Variants in MAGI2 observed in about 807,000 individuals in gnomAD.
MAGI2 encodes membrane-associated guanylate kinase, WW and PDZ domain-containing protein 2.
Under a neutral mutation model 133.3 loss-of-function variants are expected in MAGI2, and 35 were observed. That is an observed-to-expected ratio of 0.26 (90% CI 0.20 to 0.35). MAGI2 has a LOEUF of 0.35. Ranked by LOEUF, MAGI2 falls within the 10% of genes least tolerant of loss-of-function variation. The pLI, the probability that MAGI2 is intolerant of heterozygous loss-of-function variation, is 1.00. For synonymous variants in MAGI2, 729 were observed against 710.6 expected, an observed-to-expected ratio of 1.03 and a Z score of -0.41; for missense variants, 1,636 against 1,863.4, an observed-to-expected ratio of 0.88 and a Z score of 2.25.
intron 1 of MAGI2, among the ~76,000 whole-genome samples, chr7:79,109,889 A>C (rs1461670393): frequency 6.6e-6 from 1 of 151,584 alleles, no homozygotes; most frequent in African/African-American, 2.4e-5. Context: ...GCCTACTACC[A>C]GTATGATCAC....
chr7:78,996,525 G>A (rs1396345515), intron 2 of MAGI2, among the ~76,000 whole-genome samples: 1 of 152,126 alleles, frequency 6.6e-6, no homozygotes, highest in Admixed American at 6.6e-5. Context: ...AGGGTGGGAG[G>A]AGGGAGAGGA....
At chr7:78,369,320 A>G (rs949141579) in intron 6 of MAGI2, 107 bp from the exon 7 acceptor site, 1 of 747,968 alleles carries the variant, frequency 1.3e-6, no homozygotes. Flanking sequence ...GCCAAAGTGG[A>G]ACAAAGCATT....
intron 1 of MAGI2, among the ~76,000 whole-genome samples, chr7:79,180,473 A>G (rs1826511382): frequency 6.6e-6 from 1 of 152,158 alleles, no homozygotes; most frequent in East Asian, 1.9e-4. Flanking sequence ...TCCCTTTTCT[A>G]AAATCATCAG....
chr7:78,475,343 A>G (rs986550707), intron 6 of MAGI2, among the ~76,000 whole-genome samples: 2 of 152,038 alleles, frequency 1.3e-5, no homozygotes, highest in African/African-American at 2.4e-5. Flanking sequence ...AGGTAAAAGA[A>G]TAGCTGGATA....
intron 2 of MAGI2, among the ~76,000 whole-genome samples, chr7:78,876,788 T>C (rs560881878): frequency 1.1e-4 from 16 of 152,236 alleles, no homozygotes; most frequent in Non-Finnish European, 2.1e-4. Flanking sequence ...GAATGGTCCA[T>C]GCCTAAAGGC....
At chr7:78,825,752 T>C (rs1790570890) in intron 2 of MAGI2, among the ~76,000 whole-genome samples, 1 of 152,170 alleles carries the variant, frequency 6.6e-6, no homozygotes, top group Non-Finnish European at 1.5e-5. Context: ...TGTAAGCCTG[T>C]CAGTCAATAT....
At chr7:78,822,783 T>G (rs1790240097) in intron 2 of MAGI2, among the ~76,000 whole-genome samples, 1 of 152,186 alleles carries the variant, frequency 6.6e-6, no homozygotes, top group African/African-American at 2.4e-5. Flanking sequence ...AGATCTTATG[T>G]GGAGGAATGC....
chr7:78,294,193 C>T (rs1434334014), intron 9 of MAGI2, among the ~76,000 whole-genome samples: 1 of 151,984 alleles, frequency 6.6e-6, no homozygotes, highest in African/African-American at 2.4e-5. Flanking sequence ...CCCAATTAGA[C>T]TGTGAACTTC....
intron 2 of MAGI2, among the ~76,000 whole-genome samples, chr7:78,846,141 G>A (rs1457666839): frequency 6.6e-6 from 1 of 151,680 alleles, no homozygotes; most frequent in Non-Finnish European, 1.5e-5. Flanking sequence ...CATTTGTCAT[G>A]CTATGCCCCA....
At chr7:78,822,180 T>A (rs946950510) in intron 2 of MAGI2, among the ~76,000 whole-genome samples, 1 of 152,078 alleles carries the variant, frequency 6.6e-6, no homozygotes, top group Non-Finnish European at 1.5e-5. Context: ...GACTGAGTTA[T>A]AATCAGAACA....
At chr7:78,890,501 A>G (rs1179647715) in intron 2 of MAGI2, among the ~76,000 whole-genome samples, 2 of 152,200 alleles carry the variant, frequency 1.3e-5, no homozygotes, top group African/African-American at 4.8e-5. Flanking sequence ...AGCAAATGTA[A>G]AAGAACAGAA....
intron 2 of MAGI2, among the ~76,000 whole-genome samples, chr7:78,645,970 C>G (rs1280981367): frequency 2.6e-5 from 4 of 152,160 alleles, no homozygotes; most frequent in Non-Finnish European, 4.4e-5. Context: ...AACCCCTGAC[C>G]TCAAGTGAGT....
At chr7:78,868,382 G>T (rs1241530436) in intron 2 of MAGI2, among the ~76,000 whole-genome samples, 1 of 152,168 alleles carries the variant, frequency 6.6e-6, no homozygotes, top group Non-Finnish European at 1.5e-5. Context: ...ATATCCCTAG[G>T]TTCACAAAGA....
At chr7:79,303,924 C>A (rs932020260) in intron 1 of MAGI2, among the ~76,000 whole-genome samples, 9 of 152,056 alleles carry the variant, frequency 5.9e-5, no homozygotes, top group Admixed American at 6.6e-5. Context: ...CAAATACACA[C>A]ACATATGTAT....
intron 9 of MAGI2, among the ~76,000 whole-genome samples, chr7:78,326,406 C>G (rs1338985608): frequency 1.3e-5 from 2 of 152,192 alleles, no homozygotes; most frequent in Non-Finnish European, 2.9e-5. Context: ...TCTCTTTTAG[C>G]ACTTATCTCC....
At chr7:78,413,106 C>A (rs1172781610) in intron 6 of MAGI2, among the ~76,000 whole-genome samples, 1 of 152,020 alleles carries the variant, frequency 6.6e-6, no homozygotes. Flanking sequence ...TTTGACAAAA[C>A]CAGTTTTCTT....
intron 2 of MAGI2, among the ~76,000 whole-genome samples, chr7:78,926,221 C>T (rs2151645708): frequency 6.6e-6 from 1 of 151,972 alleles, no homozygotes; most frequent in East Asian, 1.9e-4. Context: ...TTATGTTAGC[C>T]TTGAAGATCC....
intron 19 of MAGI2, among the ~76,000 whole-genome samples, chr7:78,126,593 TG>T (rs1430311977): frequency 2.0e-5 from 3 of 152,224 alleles, no homozygotes; most frequent in Non-Finnish European, 2.9e-5. Flanking sequence ...TTTAGGAAAC[TG>T]AATCTCAGAG....
At chr7:79,132,023 CAA>C (rs1168713165) in intron 1 of MAGI2, among the ~76,000 whole-genome samples, 1 of 151,962 alleles carries the variant, frequency 6.6e-6, no homozygotes, top group East Asian at 1.9e-4. Flanking sequence ...CAAACCACAA[CAA>C]AGTTACAAAA....
Sources: allele counts gnomAD v4.1 joint callset (sites outside exome capture counted in the v4.1 genomes callset), GRCh38; gene constraint gnomAD v4.1.1; transcripts MANE v1.5; gene names NCBI Gene and HGNC (gene_info 2026-07-23, HGNC 2026-07-21).